Variants in PITPNM2 observed in about 807,000 individuals in gnomAD.
PITPNM2 encodes membrane-associated phosphatidylinositol transfer protein 2.
Under a neutral mutation model 132.2 loss-of-function variants are expected in PITPNM2, and 35 were observed. The observed-to-expected ratio is 0.26, with a 90% CI of 0.20 to 0.35. The LOEUF is 0.35. Ranked by LOEUF, PITPNM2 falls within the 10% of genes least tolerant of loss-of-function variation. The pLI, the probability that PITPNM2 is intolerant of heterozygous loss-of-function variation, is 1.00. For missense variants in PITPNM2, 1,332 were observed against 1,912.0 expected, an observed-to-expected ratio of 0.70 and a Z score of 5.66; for synonymous variants, 738 against 799.2, an observed-to-expected ratio of 0.92 and a Z score of 1.29.
At position 123,001,054 on chromosome 12, in the gene PITPNM2, C is replaced by G; in HGVS notation, c.1153G>C (p.Asp385His). The G allele has an allele frequency of 6.2e-7, 1 of 1,613,796 alleles. No homozygotes were observed. Among genetic ancestry groups the G allele is most frequent in the Non-Finnish European group, 8.5e-7 (1 of 1,179,696 alleles). ...CTGCAGCACCCCCAGACCTGCTGAC[C>G]TTGTGTGTCTTCCGGCTCTGGGCTC... ...IESPEPEDTQDGLYRQGAPEF... is the reference protein window; with the variant it reads ...IESPEPEDTQHGLYRQGAPEF... Residue 385 changes from aspartate (D) to histidine (H), a missense_variant and splice_region_variant, in exon 9 of 26, where the codon GAT becomes CAT. By Grantham distance (81) the Asp-to-His change is moderately conservative (BLOSUM62 -1). This residue lies in a region of PITPNM2 where 710 missense variants were observed against 911.5 expected (regional missense o/e 0.78). Coordinates refer to ENST00000320201, the MANE Select transcript of PITPNM2 (RefSeq NM_020845.3).
intron 2 of PITPNM2, among the ~76,000 whole-genome samples, chr12:123,051,295 A>G (rs943160532): frequency 1.3e-5 from 2 of 152,346 alleles, no homozygotes; most frequent in African/African-American, 2.4e-5. Context: ...ACTAGAGAGA[A>G]GTATTAGCCA....
chr12:123,072,745 G>A (rs2041653149), intron 2 of PITPNM2, among the ~76,000 whole-genome samples: 1 of 152,254 alleles, frequency 6.6e-6, no homozygotes, highest in Admixed American at 6.5e-5. Context: ...GCAGCAGAGA[G>A]GGCCACAAAG....
At chr12:123,025,608 T>G (rs1480710424) in intron 3 of PITPNM2, among the ~76,000 whole-genome samples, 1 of 151,908 alleles carries the variant, frequency 6.6e-6, no homozygotes, top group Admixed American at 6.6e-5. Context: ...AATTTTGTAT[T>G]TTTACTAGAG....
chr12:123,148,664 A>T (rs1250768184), intron 1 of PITPNM2, among the ~76,000 whole-genome samples: 1 of 152,170 alleles, frequency 6.6e-6, no homozygotes, highest in Non-Finnish European at 1.5e-5. Context: ...AAGGGCTCTC[A>T]GTGGTGATCT....
At position 123,082,579 on chromosome 12, in the gene PITPNM2, G is replaced by A. The variant is rs1050202903; in HGVS notation, c.-96+27806C>T. Among the ~76,000 whole-genome samples the A allele has an allele frequency of 3.9e-5, 6 of 152,094 alleles. No individual in the cohort carries two copies. The highest frequency in any genetic ancestry group is 1.4e-4 in the African/African-American group (6 of 41,420). On this transcript the variant is annotated intron_variant, in intron 2 of 25. Coordinates refer to ENST00000320201, the MANE Select transcript of PITPNM2 (RefSeq NM_020845.3). This position sits in a 1 kb window ranked among gnomAD's most constrained non-coding sequence, Gnocchi z 5.4. ...CAGCCTCCAAATAGCTGGGAATACA[G>A]GCGCCCACCACCATGCCCGGCTAAT... is the stretch of plus-strand genomic sequence containing the variant.
chr12:123,085,826 G>A (rs968770351), intron 2 of PITPNM2, among the ~76,000 whole-genome samples: 5 of 152,216 alleles, frequency 3.3e-5, no homozygotes, highest in South Asian at 2.1e-4. Flanking sequence ...AAAGCACAGC[G>A]CAGAGGCTCA....
chr12:123,115,897 G>A (rs962697535), intron 1 of PITPNM2, among the ~76,000 whole-genome samples: 12 of 152,226 alleles, frequency 7.9e-5, no homozygotes, highest in African/African-American at 2.7e-4. Flanking sequence ...GGGAACAGTT[G>A]GGTTCTGGTT....
At chr12:123,086,512 T>C (rs543027281) in intron 2 of PITPNM2, among the ~76,000 whole-genome samples, 7 of 152,288 alleles carry the variant, frequency 4.6e-5, no homozygotes, top group Admixed American at 2.0e-4. Context: ...CCAGGAGGTG[T>C]GGGTCAGCGA....
At position 123,102,580 on chromosome 12, in the gene PITPNM2, C is replaced by A. The variant is rs542949830; in HGVS notation, c.-96+7805G>T. Among the ~76,000 whole-genome samples, 16 of 152,358 alleles carry A rather than the reference C, an allele frequency of 1.1e-4. No homozygotes were observed. In the South Asian group the frequency reaches 3.3e-3, roughly 32 times the overall value. On this transcript the variant is annotated intron_variant, in intron 2 of 25. Coordinates refer to ENST00000320201, the MANE Select transcript of PITPNM2 (RefSeq NM_020845.3). ...CAACATCTTTTCCTCCCATCCCCCA[C>A]AGGCAGCCCTCATACTGAGGAGTGT...
chr12:123,046,288 G>A (rs2040654225), intron 2 of PITPNM2, among the ~76,000 whole-genome samples: 1 of 152,106 alleles, frequency 6.6e-6, no homozygotes, highest in Admixed American at 6.5e-5. Context: ...CCCTCTGGCA[G>A]GCACACTTGG....
Position 122,997,360 on chromosome 12 carries a change from C to A in PITPNM2, c.1437G>T (p.Pro479=). 1 of 1,613,266 alleles carries A rather than the reference C, an allele frequency of 6.2e-7. No individual in the cohort carries two copies. The highest frequency in any genetic ancestry group is 8.5e-7 in the Non-Finnish European group (1 of 1,179,940). The change falls in exon 11 of 26, where the codon CCG becomes CCT. Residue 479 remains proline, a synonymous_variant. Coordinates refer to ENST00000320201, the MANE Select transcript of PITPNM2 (RefSeq NM_020845.3). ...GGGCAAAGGCGTCAGAGCAGACGGG[C>A]GGGCAGGGCACCAGGCGGATGGCAA... ...GRLAIRLVPC[P]PVCSDAFALV... is the part of the protein sequence containing the mutation.
At chr12:123,101,903 A>T (rs889784675) in intron 2 of PITPNM2, among the ~76,000 whole-genome samples, 1 of 152,180 alleles carries the variant, frequency 6.6e-6, no homozygotes, top group Non-Finnish European at 1.5e-5. Flanking sequence ...ACATAAAATT[A>T]AAAAATTAGC....
rs2039087705 is a variant in PITPNM2, at chr12:123,009,506, A to G, written c.643+344T>C. Among the ~76,000 whole-genome samples, 2 of 151,982 alleles carry G rather than the reference A, an allele frequency of 1.3e-5. No homozygotes were observed. Among genetic ancestry groups the G allele is most frequent in the Admixed American group, 6.6e-5 (1 of 15,266 alleles). On this transcript the variant is annotated intron_variant, in intron 6 of 25. Transcript: ENST00000320201. The surrounding 1 kb of genome is among the most constrained non-coding windows in gnomAD (Gnocchi z 4.8). ...CAGAGGCCCAGATGAGCAGCAGGGA[A>G]CCTGTCCCCAGGGGCTACTCAGACC...
At chr12:123,098,879 T>TC (rs1412676526) in intron 2 of PITPNM2, among the ~76,000 whole-genome samples, 2 of 152,136 alleles carry the variant, frequency 1.3e-5, no homozygotes, top group African/African-American at 2.4e-5. Context: ...TTCTCAGCAC[T>TC]CCCCAAAGAT....
At chr12:123,128,975 A>G (rs2043205920) in intron 1 of PITPNM2, among the ~76,000 whole-genome samples, 1 of 152,052 alleles carries the variant, frequency 6.6e-6, no homozygotes, top group Non-Finnish European at 1.5e-5. Flanking sequence ...TCTTTACTAA[A>G]AATACAAAAA....
chr12:123,127,553 C>G (rs1430781382), intron 1 of PITPNM2, among the ~76,000 whole-genome samples: 1 of 151,684 alleles, frequency 6.6e-6, no homozygotes, highest in Non-Finnish European at 1.5e-5. Flanking sequence ...TGTATCCACT[C>G]AAAACATTCA....
intron 1 of PITPNM2, among the ~76,000 whole-genome samples, chr12:123,144,762 A>C (rs1242809408): frequency 6.6e-6 from 1 of 152,068 alleles, no homozygotes; most frequent in Admixed American, 6.5e-5. Flanking sequence ...ACAGGGTTTC[A>C]CCATGTTGGC....
intron 5 of PITPNM2, among the ~76,000 whole-genome samples, chr12:123,010,516 G>T (rs1482170720): frequency 6.6e-6 from 1 of 152,212 alleles, no homozygotes; most frequent in African/African-American, 2.4e-5. Flanking sequence ...AGGGTGGGAG[G>T]AACAGAAGAG....
chr12:123,068,178 A>ACGGGCATGGC (rs2095060593), intron 2 of PITPNM2, among the ~76,000 whole-genome samples: 2 of 36,088 alleles, frequency 5.5e-5, no homozygotes, highest in African/African-American at 2.7e-4. Context: ...CTAAAAATCC[A>ACGGGCATGGC]CGGGCACGGC....
Sources: gnomAD v4.1 joint callset for allele counts (sites outside exome capture counted in the v4.1 genomes callset) on GRCh38, gnomAD v4.1.1 for gene constraint, gnomAD v4.1.1 regional missense constraint, Gnocchi (gnomAD v3.1) non-coding constraint, MANE v1.5 for transcripts, NCBI Gene and HGNC (gene_info 2026-07-23, HGNC 2026-07-21) for gene names.